The following DNAH10 variants were observed in gnomAD, a reference collection of about 807,000 sequenced individuals.
DNAH10 encodes dynein axonemal heavy chain 10.
Under a neutral mutation model 506.6 loss-of-function variants are expected in DNAH10, and 348 were observed. That is an observed-to-expected ratio of 0.69 (90% CI 0.63 to 0.75). DNAH10 has a LOEUF of 0.75. Ranked by LOEUF, DNAH10 falls within the 30% of genes least tolerant of loss-of-function variation. DNAH10 has a pLI of 0.00. For missense variants in DNAH10, 5,179 were observed against 5,787.1 expected (o/e 0.89, Z 3.41); for synonymous variants, 2,059 against 2,198.6 (o/e 0.94, Z 1.78).
Position 123,787,772 on chromosome 12 carries a change from T to C in DNAH10, c.1422-32T>C, listed in dbSNP as rs966016303. On this transcript the variant is annotated intron_variant, in intron 9 of 78. Transcript: ENST00000673944. The surrounding 1 kb of genome is among the most constrained non-coding windows in gnomAD (Gnocchi z 4.6). ...GCGGCTCGGACCCGGAGCTCCGCCC[T>C]CCTCCCATCACGGCATCTCTTGGCT... 1.1e-5 allele frequency: 18 copies of C among 1,602,576 alleles called. No homozygotes were observed. Among genetic ancestry groups the C allele is most frequent in the Admixed American group, 1.7e-5 (1 of 57,580 alleles).
At chr12:123,921,690 A>ATTTTTTTTT (rs1566107321) in intron 65 of DNAH10, among the ~76,000 whole-genome samples, 6 of 98,234 alleles carry the variant, frequency 6.1e-5, no homozygotes, top group African/African-American at 2.4e-4. Flanking sequence ...TGTAGCTTGC[A>ATTTTTTTTT]GTTTTTTTTT....
chr12:123,813,269 C>G lies in DNAH10; in HGVS notation c.3250C>G (p.Pro1084Ala), dbSNP rs763093758. Reference protein sequence around the residue: ...INFYNDISLNPQIIEQAVMIP... With the variant: ...INFYNDISLNAQIIEQAVMIP... Reference sequence around the variant, plus strand: ...CTTTTACAATGATATCTCTCTGAACCCTCAGATAATTGAACAAGCTGTTAT... The same window carrying G: ...CTTTTACAATGATATCTCTCTGAACGCTCAGATAATTGAACAAGCTGTTAT... The change falls in exon 20 of 79, where the codon CCT becomes GCT. Residue 1084 changes from proline (P) to alanine (A), a missense_variant. Coordinates refer to ENST00000673944, the MANE Select transcript of DNAH10 (RefSeq NM_001372106.1). 8 of 1,614,100 alleles carry G rather than the reference C, an allele frequency of 5.0e-6. No homozygotes were observed. The South Asian group carries it at 8.8e-5, about 18-fold the overall frequency.
chr12:123,924,019 C>T, intron 66 of DNAH10, 152 bp downstream of exon 66: 1 of 734,878 alleles, frequency 1.4e-6, no homozygotes, highest in East Asian at 2.7e-5. Flanking sequence ...GTTGATCATT[C>T]CAGCCTCAGA....
chr12:123,898,252 C>T (rs1953345148), intron 55 of DNAH10, among the ~76,000 whole-genome samples: 1 of 152,060 alleles, frequency 6.6e-6, no homozygotes, highest in Admixed American at 6.6e-5. Context: ...TCTCTGTTTC[C>T]CAGGCTGGAG....
At chr12:123,860,627 T>C (rs920335818) in intron 38 of DNAH10, among the ~76,000 whole-genome samples, 3 of 152,306 alleles carry the variant, frequency 2.0e-5, no homozygotes, top group South Asian at 4.1e-4. Flanking sequence ...TCCAAAGCCT[T>C]GTTATTATCG....
At chr12:123,923,593 A>C (rs1954820182) in intron 65 of DNAH10, 170 bp from the exon 66 acceptor site, 2 of 546,078 alleles carry the variant, frequency 3.7e-6, no homozygotes, top group Non-Finnish European at 6.4e-6. Flanking sequence ...AACTGAGCTC[A>C]TCTCTCTTGA....
intron 56 of DNAH10, among the ~76,000 whole-genome samples, chr12:123,901,286 C>G (rs538938276): frequency 2.0e-5 from 3 of 152,240 alleles, no homozygotes; most frequent in South Asian, 2.1e-4. Context: ...CACCACCCCC[C>G]ACCCCCGCGC....
rs2137645274 is a variant in DNAH10 at position 123,926,301 on chromosome 12, G to C, written c.11922-336G>C. 7.5e-6 allele frequency: 2 copies of C among 268,196 alleles called. No homozygotes were observed. Among genetic ancestry groups the C allele is most frequent in the South Asian group, 3.4e-4 (2 of 5,962 alleles). The allele number at this position is 268,196 out of a possible 1,614,324, so 16.6% of individuals were successfully genotyped here. The stretch of plus-strand genomic sequence containing the variant: ...ACAAAACACAAAACTCAAAACTCAA[G>C]ATGTGGACCATTCAGGACACGCCTG... On this transcript the variant is annotated intron_variant, in intron 68 of 78. Transcript: ENST00000673944. The surrounding 1 kb of genome is among the most constrained non-coding windows in gnomAD (Gnocchi z 4.1).
At chr12:123,837,480 A>T (rs982808990) in intron 28 of DNAH10, among the ~76,000 whole-genome samples, 1 of 152,108 alleles carries the variant, frequency 6.6e-6, no homozygotes, top group African/African-American at 2.4e-5. Context: ...CAGGGTAACC[A>T]TTTTAATAGT....
chr12:123,881,783 G>A lies in DNAH10; in HGVS notation c.8793G>A (p.Ser2931=), dbSNP rs373169066. 2.0e-5 allele frequency: 30 copies of A among 1,518,116 alleles called. No homozygotes were observed. In the African/African-American group the frequency reaches 2.1e-4, roughly 11 times the overall value. The allele number at this position is 1,518,116 out of a possible 1,614,324, so 94.0% of individuals were successfully genotyped here. Reference sequence around the variant, plus strand: ...GGGGCTCAGGGAAGCAGTCTCTTTCGAGGCTGGCTGCCTTCACAGCCAGCT... The same window carrying A: ...GGGGCTCAGGGAAGCAGTCTCTTTCAAGGCTGGCTGCCTTCACAGCCAGCT... ...GVGGSGKQSL[S]RLAAFTASCE... is the part of the protein sequence containing the mutation. Residue 2931 remains serine (S), a synonymous_variant, in exon 51 of 79, where the codon TCG becomes TCA. Transcript: ENST00000673944.
chr12:123,928,714 C>A lies in DNAH10; in HGVS notation c.12306+127C>A. The A allele has an allele frequency of 1.8e-6, 2 of 1,102,844 alleles. No homozygotes were observed. The highest frequency in any genetic ancestry group is 2.5e-6 in the Non-Finnish European group (2 of 791,214). The allele number at this position is 1,102,844 out of a possible 1,614,324, so 68.3% of individuals were successfully genotyped here. On this transcript the variant is annotated intron_variant, in intron 70 of 78. Coordinates refer to ENST00000673944, the MANE Select transcript of DNAH10 (RefSeq NM_001372106.1). This position sits in a 1 kb window ranked among gnomAD's most constrained non-coding sequence, Gnocchi z 4.9. ...ACCTTAGGCTGCAGGTGAAACCTTG[C>A]GGTTGAAACCCTTCTCAATCCCACC...
intron 21 of DNAH10, among the ~76,000 whole-genome samples, chr12:123,818,303 T>A (rs1311843265): frequency 2.6e-5 from 4 of 152,056 alleles, no homozygotes; most frequent in African/African-American, 9.7e-5. Context: ...ATTATAAAAT[T>A]CAACTTTAAT....
At chr12:123,845,081 G>A (rs1003062943) in intron 30 of DNAH10, among the ~76,000 whole-genome samples, 2 of 152,174 alleles carry the variant, frequency 1.3e-5, no homozygotes, top group Non-Finnish European at 2.9e-5. Flanking sequence ...CACAATTGTA[G>A]TTGGCTGCGG....
chr12:123,883,771 A>G lies in DNAH10; in HGVS notation c.8823+1958A>G, dbSNP rs538655770. Among the ~76,000 whole-genome samples, 6 of 152,186 alleles carry G rather than the reference A, an allele frequency of 3.9e-5. No individual in the cohort carries two copies. The South Asian group carries it at 8.3e-4, about 21-fold the overall frequency. On this transcript the variant is annotated intron_variant, in intron 51 of 78. Coordinates refer to ENST00000673944, the MANE Select transcript of DNAH10 (RefSeq NM_001372106.1). ...CATTGCTTGAATTGTTGCAATGAGGATTATTCCATTTAGAGAGAGAGAGAA... is the reference window on the plus strand; with the variant it reads ...CATTGCTTGAATTGTTGCAATGAGGGTTATTCCATTTAGAGAGAGAGAGAA...
intron 16 of DNAH10, among the ~76,000 whole-genome samples, chr12:123,803,251 C>T (rs931489491): frequency 3.9e-5 from 6 of 152,168 alleles, no homozygotes; most frequent in Admixed American, 2.0e-4. Context: ...AAAGTGAGAC[C>T]GATCGTAAGT....
chr12:123,801,527 TAG>T, intron 16 of DNAH10, 95 bp downstream of exon 16: 1 of 1,443,042 alleles, frequency 6.9e-7, no homozygotes, highest in South Asian at 1.4e-5. Context: ...CATATGTTTA[TAG>T]AGACAATTAA....
At chr12:123,892,203 TCA>T (rs1199501214) in intron 52 of DNAH10, among the ~76,000 whole-genome samples, 2 of 152,334 alleles carry the variant, frequency 1.3e-5, no homozygotes, top group Admixed American at 1.3e-4. Flanking sequence ...TTCATGTGGC[TCA>T]CAGTGCCGCA....
At chr12:123,865,464 A>G (rs1438319626) in intron 40 of DNAH10, among the ~76,000 whole-genome samples, 1 of 152,160 alleles carries the variant, frequency 6.6e-6, no homozygotes, top group Non-Finnish European at 1.5e-5. Context: ...ATATTTGTAC[A>G]TATTATTATC....
At position 123,893,425 on chromosome 12, in the gene DNAH10, G is replaced by A. The variant is rs764014376; in HGVS notation, c.9188G>A (p.Arg3063Lys). 2.5e-6 allele frequency: 4 copies of A among 1,612,636 alleles called. No homozygotes were observed. In the Admixed American group the frequency reaches 5.0e-5, roughly 20 times the overall value. ...PVGDTLRTWC[R>K]NFPGMVNNTG... ...GGGGACACCCTGAGGACCTGGTGCA[G>A]AAACTTCCCAGGTACCCGCGGTGGA... Residue 3063 changes from arginine (R) to lysine (K), a missense_variant, in exon 53 of 79, where the codon AGA (arginine) becomes AAA (lysine). Physicochemically the swap from Arg to Lys is conservative, Grantham distance 26. This residue lies in a region of DNAH10 where 4,844 missense variants were observed against 5,430.5 expected (regional missense o/e 0.89). Transcript: ENST00000673944.
Sources: gnomAD v4.1 joint callset for allele counts (sites outside exome capture counted in the v4.1 genomes callset) on GRCh38, gnomAD v4.1.1 for gene constraint, gnomAD v4.1.1 regional missense constraint, Gnocchi (gnomAD v3.1) non-coding constraint, MANE v1.5 for transcripts, NCBI Gene and HGNC (gene_info 2026-07-23, HGNC 2026-07-21) for gene names.